The following RGS8 variants were observed in gnomAD, a reference collection of about 807,000 sequenced individuals.
RGS8 encodes regulator of G-protein signaling 8.
Under a neutral mutation model 21.7 loss-of-function variants are expected in RGS8, and 8 were observed. The ratio of observed to expected loss-of-function variants is 0.37; its 90% CI spans 0.22 to 0.66. The LOEUF (loss-of-function observed/expected upper bound fraction) is 0.66, where lower values mean the gene tolerates loss of function less well. RGS8 is among the 30% of genes least tolerant of loss of function. The pLI, the probability that RGS8 is intolerant of heterozygous loss-of-function variation, is 0.59. For synonymous variants in RGS8, 80 were observed against 83.6 expected, an observed-to-expected ratio of 0.96 and a Z score of 0.24; for missense variants, 157 against 217.9, an observed-to-expected ratio of 0.72 and a Z score of 1.76.
chr1:182,692,675 C>CA, the RGS8 span, among the ~76,000 whole-genome samples: 2,662 of 27,856 alleles, frequency 0.096, 134 homozygotes, highest in Non-Finnish European at 0.11. Context: ...CAATCCTAAG[C>CA]AAAAAAAAAA....
the RGS8 span, among the ~76,000 whole-genome samples, chr1:182,729,246 C>T: frequency 2.0e-5 from 3 of 152,066 alleles, no homozygotes; most frequent in Non-Finnish European, 2.9e-5. Context: ...CTCTCTTCAC[C>T]CCAGAACACC....
the RGS8 span, among the ~76,000 whole-genome samples, chr1:182,699,441 C>T: frequency 1.1e-3 from 165 of 152,350 alleles, no homozygotes; most frequent in Non-Finnish European, 4.7e-4. Flanking sequence ...GCCCAGGCCT[C>T]AGTGGCAGGG....
At chr1:182,719,462 T>TTC in the RGS8 span, among the ~76,000 whole-genome samples, 5 of 36,226 alleles carry the variant, frequency 1.4e-4, no homozygotes, top group East Asian at 7.7e-4. Flanking sequence ...TTCTTTCTTC[T>TTC]TTTTTTTTTT....
At chr1:182,668,289 A>C (rs1487250460) in intron 3 of RGS8, among the ~76,000 whole-genome samples, 1 of 152,262 alleles carries the variant, frequency 6.6e-6, no homozygotes, top group East Asian at 1.9e-4. Context: ...TCAGGACTTA[A>C]GAGTGACTTA....
chr1:182,723,027 G>T, the RGS8 span, among the ~76,000 whole-genome samples: 1 of 151,686 alleles, frequency 6.6e-6, no homozygotes, highest in Admixed American at 6.6e-5. Context: ...AATAAATAAA[G>T]ATGCCAGTCA....
At chr1:182,750,512 T>C in the RGS8 span, among the ~76,000 whole-genome samples, 173 of 152,338 alleles carry the variant, frequency 1.1e-3, no homozygotes, top group Non-Finnish European at 2.2e-3. Context: ...TATATTTTTA[T>C]ACAATTCTGT....
At chr1:182,655,901 G>T (rs191220213) in intron 5 of RGS8, among the ~76,000 whole-genome samples, 1 of 152,090 alleles carries the variant, frequency 6.6e-6, no homozygotes, top group Non-Finnish European at 1.5e-5. Context: ...TTACATCAAC[G>T]CTCCTAAGCA....
intron 1 of RGS8, among the ~76,000 whole-genome samples, chr1:182,678,151 C>A (rs1289555324): frequency 1.3e-5 from 2 of 152,040 alleles, no homozygotes; most frequent in Admixed American, 1.3e-4. Context: ...TAGAGGTATA[C>A]TCTGAAATAT....
the RGS8 span, among the ~76,000 whole-genome samples, chr1:182,738,938 C>A: frequency 6.6e-6 from 1 of 152,158 alleles, no homozygotes; most frequent in African/African-American, 2.4e-5. Flanking sequence ...TTGAAAGATG[C>A]GGAAGCTAGA....
upstream of RGS8, chr1:182,673,010 A>G: frequency 1.4e-6 from 1 of 692,886 alleles, no homozygotes; most frequent in Non-Finnish European, 2.5e-6. Context: ...GACAGTAATC[A>G]GCCTTCCAGG....
At chr1:182,751,623 C>T in the RGS8 span, among the ~76,000 whole-genome samples, 15 of 129,364 alleles carry the variant, frequency 1.2e-4, no homozygotes, top group African/African-American at 4.0e-4. Flanking sequence ...TTTTTTCTAA[C>T]CAACAACTTA....
chr1:182,739,418 C>T, the RGS8 span, among the ~76,000 whole-genome samples: 8,004 of 152,194 alleles, frequency 0.053, 241 homozygotes, highest in Middle Eastern at 0.071. Context: ...TGAGTACTGA[C>T]GTGGGGGAAC....
At chr1:182,728,411 C>T in the RGS8 span, among the ~76,000 whole-genome samples, 1 of 152,118 alleles carries the variant, frequency 6.6e-6, no homozygotes, top group African/African-American at 2.4e-5. Flanking sequence ...ATGAACCTTT[C>T]GATTCTAAAG....
the RGS8 span, among the ~76,000 whole-genome samples, chr1:182,737,979 C>G: frequency 6.6e-6 from 1 of 152,148 alleles, no homozygotes; most frequent in Non-Finnish European, 1.5e-5. Context: ...GAAACCTTGA[C>G]CCAGAGAATC....
At chr1:182,675,025 C>A (rs115415431), upstream of RGS8, among the ~76,000 whole-genome samples, 1 of 152,152 alleles carries the variant, frequency 6.6e-6, no homozygotes, top group Non-Finnish European at 1.5e-5. Context: ...AGCTCTAGGC[C>A]GCTTTTCCAG....
the RGS8 span, among the ~76,000 whole-genome samples, chr1:182,697,618 C>T: frequency 1.3e-5 from 2 of 152,148 alleles, no homozygotes; most frequent in Non-Finnish European, 2.9e-5. Flanking sequence ...AAGATGCTAC[C>T]GTAACAAGGC....
chr1:182,667,583 A>G (rs1444117028), intron 3 of RGS8, among the ~76,000 whole-genome samples: 1 of 152,234 alleles, frequency 6.6e-6, no homozygotes, highest in Admixed American at 6.5e-5. Flanking sequence ...TTAAGAACCA[A>G]TGTCCCCTTT....
At chr1:182,724,221 T>TAC in the RGS8 span, among the ~76,000 whole-genome samples, 1 of 104,210 alleles carries the variant, frequency 9.6e-6, no homozygotes, top group Admixed American at 8.8e-5. Flanking sequence ...TATATATATA[T>TAC]ATATATATAT....
chr1:182,701,863 T>G, the RGS8 span, among the ~76,000 whole-genome samples: 1,830 of 152,258 alleles, frequency 0.012, 22 homozygotes, highest in Non-Finnish European at 0.019. Context: ...ATCAGAGAAA[T>G]GTAAATAAAA....
Sources: allele counts gnomAD v4.1 joint callset (sites outside exome capture counted in the v4.1 genomes callset), GRCh38; gene constraint gnomAD v4.1.1; transcripts MANE v1.5; gene names NCBI Gene and HGNC (gene_info 2026-07-23, HGNC 2026-07-21).